FHIT: variants seen among roughly 807,000 people sequenced by gnomAD.
FHIT encodes fragile histidine triad diadenosine triphosphatase.
A neutral mutation model predicts 17.9 loss-of-function variants in FHIT; 19 were observed. That is an observed-to-expected ratio of 1.06 (90% CI 0.74 to 1.56). FHIT has a LOEUF of 1.56. Among genes scored for constraint, FHIT ranks in the 40% most tolerant of loss-of-function variants. The pLI, the probability that FHIT is intolerant of heterozygous loss-of-function variation, is 0.00. For missense variants in FHIT, 248 were observed against 189.2 expected, an observed-to-expected ratio of 1.31 and a Z score of -1.82; for synonymous variants, 81 against 69.7, an observed-to-expected ratio of 1.16 and a Z score of -0.81.
intron 4 of FHIT, among the ~76,000 whole-genome samples, chr3:60,679,441 C>T (rs539612259): frequency 6.6e-6 from 1 of 152,138 alleles, no homozygotes; most frequent in South Asian, 2.1e-4. Context: ...TTTTATAGTT[C>T]CCAGTCTTAT....
intron 5 of FHIT, among the ~76,000 whole-genome samples, chr3:60,422,770 T>C (rs954670609): frequency 2.6e-5 from 4 of 152,110 alleles, no homozygotes; most frequent in African/African-American, 9.7e-5. Flanking sequence ...GTAATGAAAA[T>C]TCTATCACAA....
chr3:60,536,833 C>T, intron 5 of FHIT, 27 bp downstream of exon 5: 4 of 1,569,362 alleles, frequency 2.5e-6, no homozygotes, highest in South Asian at 1.2e-5. Flanking sequence ...TTTATTTTCC[C>T]TCTCCAAAAA....
Position 60,952,293 on chromosome 3 carries a change from CAT to C in FHIT, c.-111+89752_-111+89753del, listed in dbSNP as rs200947465. On this transcript the variant is annotated intron_variant, in intron 3 of 9. Coordinates refer to ENST00000492590, the MANE Select transcript of FHIT (RefSeq NM_002012.4). ...CAACCACTATAGTGGGGAAAGAAAA[CAT>C]AGCAGTGCAATCAGCTGTTGGATAC... Among the ~76,000 whole-genome samples, 46 of 150,536 alleles carry C rather than the reference CAT, an allele frequency of 3.1e-4. No homozygotes were observed. The East Asian group carries it at 8.8e-3, about 29-fold the overall frequency.
chr3:60,855,734 C>T (rs76284134), intron 3 of FHIT, among the ~76,000 whole-genome samples: 1,567 of 152,178 alleles, frequency 0.01, 27 homozygotes, highest in African/African-American at 0.035. Flanking sequence ...CATTCATTGT[C>T]GTATCCCTGT....
intron 5 of FHIT, among the ~76,000 whole-genome samples, chr3:60,256,310 T>C (rs1705989604): frequency 6.6e-6 from 1 of 152,186 alleles, no homozygotes; most frequent in African/African-American, 2.4e-5. Flanking sequence ...ATGTCTCTTA[T>C]CATCAACCTC....
intron 4 of FHIT, among the ~76,000 whole-genome samples, chr3:60,608,634 A>G (rs2856034): frequency 0.2 from 29,842 of 152,166 alleles, 3,288 homozygotes; most frequent in Middle Eastern, 0.31. Context: ...ACTGGGCCCA[A>G]TATCATTACA....
At chr3:60,133,646 C>G (rs1304420818) in intron 5 of FHIT, among the ~76,000 whole-genome samples, 2 of 151,916 alleles carry the variant, frequency 1.3e-5, no homozygotes, top group East Asian at 1.9e-4. Context: ...CCTACATGGT[C>G]TGCTGTACAG....
At chr3:60,774,202 A>G (rs1700141139) in intron 4 of FHIT, among the ~76,000 whole-genome samples, 1 of 152,216 alleles carries the variant, frequency 6.6e-6, no homozygotes, top group African/African-American at 2.4e-5. Flanking sequence ...CACAGGGAAT[A>G]TGTTCCAAGA....
chr3:60,061,582 C>T (rs1268990445), intron 5 of FHIT, among the ~76,000 whole-genome samples: 1 of 152,120 alleles, frequency 6.6e-6, no homozygotes, highest in African/African-American at 2.4e-5. Flanking sequence ...AATATTGCAG[C>T]TGAATGTAAA....
chr3:61,093,355 T>C (rs1334728000), intron 2 of FHIT, among the ~76,000 whole-genome samples: 1 of 152,166 alleles, frequency 6.6e-6, no homozygotes, highest in African/African-American at 2.4e-5. Context: ...TCTGGAGACA[T>C]CTGTGATTGT....
intron 2 of FHIT, among the ~76,000 whole-genome samples, chr3:61,173,574 T>C (rs1469968941): frequency 6.6e-6 from 1 of 152,230 alleles, no homozygotes; most frequent in East Asian, 1.9e-4. Flanking sequence ...TGGGGGTTAT[T>C]TGCAAAACAT....
chr3:61,214,184 C>T (rs1265126207), intron 1 of FHIT, among the ~76,000 whole-genome samples: 3 of 151,964 alleles, frequency 2.0e-5, no homozygotes, highest in Non-Finnish European at 4.4e-5. Context: ...AATAGAGACA[C>T]AAAAAACCCT....
intron 3 of FHIT, among the ~76,000 whole-genome samples, chr3:60,824,066 T>C (rs1181511537): frequency 1.3e-5 from 2 of 152,166 alleles, no homozygotes; most frequent in East Asian, 1.9e-4. Flanking sequence ...AGGCTTTTAC[T>C]TGGAGCAAGG....
At chr3:61,071,610 G>A (rs894577379) in intron 2 of FHIT, among the ~76,000 whole-genome samples, 1 of 152,110 alleles carries the variant, frequency 6.6e-6, no homozygotes, top group Non-Finnish European at 1.5e-5. Context: ...GTATAAAAAT[G>A]TACATGACAT....
At chr3:61,081,711 G>T (rs1404207396) in intron 2 of FHIT, among the ~76,000 whole-genome samples, 1 of 152,060 alleles carries the variant, frequency 6.6e-6, no homozygotes, top group Non-Finnish European at 1.5e-5. Flanking sequence ...CCTCTTCTAT[G>T]AGGACACCAT....
At chr3:60,182,356 T>C (rs1213382753) in intron 5 of FHIT, among the ~76,000 whole-genome samples, 2 of 152,194 alleles carry the variant, frequency 1.3e-5, no homozygotes, top group Admixed American at 1.3e-4. Context: ...ATTCCATGAT[T>C]TGGTGAGAGC....
intron 5 of FHIT, among the ~76,000 whole-genome samples, chr3:60,143,836 T>C (rs1216643947): frequency 1.3e-5 from 2 of 152,170 alleles, no homozygotes; most frequent in Non-Finnish European, 2.9e-5. Context: ...GAAAGTACTC[T>C]GGAATACAGT....
chr3:59,776,104 T>G (rs1702300440), intron 8 of FHIT, among the ~76,000 whole-genome samples: 1 of 152,254 alleles, frequency 6.6e-6, no homozygotes, highest in African/African-American at 2.4e-5. Context: ...TAAATGAGCC[T>G]GAAAACTGTA....
intron 5 of FHIT, among the ~76,000 whole-genome samples, chr3:60,251,324 T>C (rs1325903289): frequency 6.6e-6 from 1 of 152,130 alleles, no homozygotes; most frequent in Non-Finnish European, 1.5e-5. Context: ...GAGTAGTACA[T>C]AGGGAGTGAG....
Sources: gnomAD v4.1 joint callset for allele counts (sites outside exome capture counted in the v4.1 genomes callset) on GRCh38, gnomAD v4.1.1 for gene constraint, MANE v1.5 for transcripts, NCBI Gene and HGNC (gene_info 2026-07-23, HGNC 2026-07-21) for gene names.